The following CYTH1 variants were observed in gnomAD, a reference collection of about 807,000 sequenced individuals.
CYTH1 encodes cytohesin-1.
In CYTH1, 18 loss-of-function variants were observed where a neutral mutation model predicts 61.8. That is an observed-to-expected ratio of 0.29 (90% confidence interval 0.20 to 0.43). The LOEUF is 0.43. Ranked by LOEUF, CYTH1 falls within the 20% of genes least tolerant of loss-of-function variation. The pLI, the probability that CYTH1 is intolerant of heterozygous loss-of-function variation, is 1.00. For synonymous variants in CYTH1, 174 were observed against 184.3 expected (o/e 0.94, Z 0.45); for missense variants, 336 against 510.5 (o/e 0.66, Z 3.29).
rs367847592 is a variant in CYTH1 at position 78,700,296 on chromosome 17, G to A, written c.550+35C>T. On this transcript the variant is annotated intron_variant, in intron 7 of 13. Transcript: ENST00000446868. The surrounding 1 kb of genome is among the most constrained non-coding windows in gnomAD (Gnocchi z 5.1). ...CCAAGAAAATAATCCAGTGTAAAACGCCCATCATAAACTAGGATGAATGAT... is the reference window on the plus strand; with the variant it reads ...CCAAGAAAATAATCCAGTGTAAAACACCCATCATAAACTAGGATGAATGAT... The A allele has an allele frequency of 9.1e-6, 14 of 1,530,606 alleles. No homozygotes were observed. The highest frequency in any genetic ancestry group is 1.7e-4 in the Middle Eastern group (1 of 5,912). 94.8% of individuals were successfully genotyped at this position (1,530,606 alleles called of 1,614,324 possible).
rs576381854 is a variant in CYTH1, at chr17:78,690,380, C to T, written c.891+2037G>A. 5.6e-3 allele frequency among the ~76,000 whole-genome samples: 532 copies of T among 94,604 alleles called. 4 individuals carry two copies. Among genetic ancestry groups the T allele is most frequent in the African/African-American group, 0.02 (497 of 24,480 alleles). 62.1% of individuals were successfully genotyped at this position (94,604 alleles called of 152,430 possible). A position where few individuals can be genotyped will look rare whatever the true frequency, so the allele number is the denominator to read the frequency against. On this transcript the variant is annotated intron_variant, in intron 11 of 13. Transcript: ENST00000446868. ...CTGCACTCCAGCCTGGGCAACAGAG[C>T]GAGACTCCATCTCAAAAAAAAAAAA... is the stretch of plus-strand genomic sequence containing the variant.
At chr17:78,713,371 T>G (rs116680352) in intron 1 of CYTH1, among the ~76,000 whole-genome samples, 1 of 152,144 alleles carries the variant, frequency 6.6e-6, no homozygotes, top group Non-Finnish European at 1.5e-5. Flanking sequence ...TAAGGCAACA[T>G]TCATTTTTTA....
Position 78,767,738 on chromosome 17 carries a change from G to T in CYTH1, c.22+14464C>A, listed in dbSNP as rs200323711. On this transcript the variant is annotated intron_variant, in intron 1 of 13. Transcript: ENST00000446868. ...GTGATAAAAGTTTAAAAATTAGAGA[G>T]GTCTAGAGGTAACACCAGAATGAAA... 5.3e-5 allele frequency among the ~76,000 whole-genome samples: 8 copies of T among 151,852 alleles called. 1 individual carries two copies. In the East Asian group the frequency reaches 1.5e-3, roughly 29 times the overall value.
At chr17:78,736,896 G>T in intron 1 of CYTH1, 1 of 168,668 alleles carries the variant, frequency 5.9e-6, no homozygotes, top group South Asian at 8.9e-5. Context: ...GCAATGGCTG[G>T]CTGCACGCCT....
intron 1 of CYTH1, among the ~76,000 whole-genome samples, chr17:78,727,129 T>C (rs748362173): frequency 6.6e-6 from 1 of 152,196 alleles, no homozygotes; most frequent in African/African-American, 2.4e-5. Flanking sequence ...TTCATCAGCA[T>C]CCCAAACCCA....
chr17:78,698,469 T>C (rs565938093), intron 8 of CYTH1, 89 bp from the exon 9 acceptor site: 49 of 1,101,226 alleles, frequency 4.4e-5, no homozygotes, highest in Non-Finnish European at 6.6e-5. Context: ...CAAGCATTCA[T>C]GTGCCTATAG....
At chr17:78,711,872 T>TTTC (rs2093135916) in intron 1 of CYTH1, among the ~76,000 whole-genome samples, 1 of 151,708 alleles carries the variant, frequency 6.6e-6, no homozygotes, top group Non-Finnish European at 1.5e-5. Context: ...CTTGAGCCCA[T>TTTC]TGGGACCAGC....
intron 1 of CYTH1, among the ~76,000 whole-genome samples, chr17:78,766,787 T>G (rs1161970154): frequency 1.3e-5 from 2 of 152,056 alleles, no homozygotes; most frequent in Non-Finnish European, 2.9e-5. Context: ...AAATAGCATA[T>G]AAGGTATGTA....
chr17:78,675,911 A>G lies in CYTH1; in HGVS notation c.*180T>C, dbSNP rs1328151582. 1.3e-6 allele frequency: 2 copies of G among 1,530,612 alleles called. No individual in the cohort carries two copies. Among genetic ancestry groups the G allele is most frequent in the Admixed American group, 4.2e-5 (2 of 47,700 alleles). 94.8% of individuals were successfully genotyped at this position (1,530,612 alleles called of 1,614,324 possible). Reference sequence around the variant, plus strand: ...ACAGGTGGCCGGTCCTCTCTTCCCCAGTGATAACTGCCCACCCTTCTCCCA... The same window carrying G: ...ACAGGTGGCCGGTCCTCTCTTCCCCGGTGATAACTGCCCACCCTTCTCCCA... On this transcript the variant is annotated 3_prime_UTR_variant, in exon 14 of 14. Coordinates refer to ENST00000446868, the MANE Select transcript of CYTH1 (RefSeq NM_004762.6).
intron 1 of CYTH1, among the ~76,000 whole-genome samples, chr17:78,777,830 CAA>C (rs201636454): frequency 2.9e-4 from 21 of 71,848 alleles, no homozygotes; most frequent in Non-Finnish European, 3.8e-4. Flanking sequence ...ATTAAAAATA[CAA>C]AAAAAAAAAA....
chr17:78,737,731 C>T (rs1158436927), intron 1 of CYTH1, among the ~76,000 whole-genome samples: 1 of 151,980 alleles, frequency 6.6e-6, no homozygotes, highest in Non-Finnish European at 1.5e-5. Context: ...GACACATATT[C>T]ATTGTTGAAG....
Position 78,755,043 on chromosome 17 carries a change from C to G in CYTH1, c.22+27159G>C, listed in dbSNP as rs143245631. Among the ~76,000 whole-genome samples, 254 of 152,210 alleles carry G rather than the reference C, an allele frequency of 1.7e-3. 2 individuals carry two copies. Among genetic ancestry groups the G allele is most frequent in the African/African-American group, 5.8e-3 (241 of 41,500 alleles). On this transcript the variant is annotated intron_variant, in intron 1 of 13. Transcript: ENST00000446868. ...CAGTTTTATACACAATAGCCCAAAT[C>G]TGGAAACAACTCATATGTTCATCAA...
At chr17:78,709,472 A>T in intron 2 of CYTH1, 178 bp downstream of exon 2, 1 of 607,764 alleles carries the variant, frequency 1.6e-6, no homozygotes, top group South Asian at 2.2e-5. Context: ...CTGACACTGC[A>T]TCTCCTCAGC....
Position 78,698,860 on chromosome 17 carries a change from C to T in CYTH1, c.659G>A (p.Gly220Asp). 6.2e-7 allele frequency: 1 copy of T among 1,601,024 alleles called. No homozygotes were observed. Among genetic ancestry groups the T allele is most frequent in the Admixed American group, 1.8e-5 (1 of 56,238 alleles). The part of the protein sequence containing the change: ...TVERFIAMNR[G>D]INDGGDLPEE... Reference sequence around the variant, plus strand: ...CGGCAGGTCTCCCCCATCATTGATGCCTCGGTTCATGGCAATGAACCTCTC... The same window carrying T: ...CGGCAGGTCTCCCCCATCATTGATGTCTCGGTTCATGGCAATGAACCTCTC... The change falls in exon 8 of 14, where the codon GGC becomes GAC. Residue 220 changes from glycine to aspartate, a missense_variant. Transcript: ENST00000446868.
At chr17:78,761,314 C>T (rs1567880382) in intron 1 of CYTH1, among the ~76,000 whole-genome samples, 1 of 152,168 alleles carries the variant, frequency 6.6e-6, no homozygotes, top group African/African-American at 2.4e-5. Context: ...TTTTTCTAGT[C>T]CTGCTCTAGG....
intron 1 of CYTH1, among the ~76,000 whole-genome samples, chr17:78,780,694 G>T (rs1307780349): frequency 6.6e-6 from 1 of 151,910 alleles, no homozygotes; most frequent in Non-Finnish European, 1.5e-5. Context: ...AACATGGCAA[G>T]ACCCCATCTT....
intron 1 of CYTH1, among the ~76,000 whole-genome samples, chr17:78,775,964 G>C (rs773372199): frequency 1.3e-5 from 2 of 152,030 alleles, no homozygotes; most frequent in Non-Finnish European, 2.9e-5. Flanking sequence ...AGATCAGCCT[G>C]GCCAACATGG....
chr17:78,719,658 G>A (rs1026027908), intron 1 of CYTH1, among the ~76,000 whole-genome samples: 23 of 152,212 alleles, frequency 1.5e-4, no homozygotes, highest in African/African-American at 5.3e-4. Context: ...ACGGAAGAGA[G>A]ATGTAAAGCA....
At chr17:78,769,577 TCTA>T (rs928729240) in intron 1 of CYTH1, among the ~76,000 whole-genome samples, 2 of 152,148 alleles carry the variant, frequency 1.3e-5, no homozygotes, top group African/African-American at 4.8e-5. Flanking sequence ...ACCTGCCACA[TCTA>T]CTGTGACACG....
Sources: gnomAD v4.1 joint callset for allele counts (sites outside exome capture counted in the v4.1 genomes callset) on GRCh38, gnomAD v4.1.1 for gene constraint, Gnocchi (gnomAD v3.1) non-coding constraint, MANE v1.5 for transcripts, NCBI Gene and HGNC (gene_info 2026-07-23, HGNC 2026-07-21) for gene names.